CTNND2: variants seen among roughly 807,000 people sequenced by gnomAD.
The protein encoded by CTNND2 is catenin delta-2.
Under a neutral mutation model 144.4 loss-of-function variants are expected in CTNND2, and 22 were observed. The ratio of observed to expected loss-of-function variants is 0.15; its 90% CI spans 0.11 to 0.22. The LOEUF (loss-of-function observed/expected upper bound fraction) is 0.22, where lower values mean the gene tolerates loss of function less well. Among genes scored for constraint, CTNND2 ranks in the 10% least tolerant of loss-of-function variants. The pLI, the probability that CTNND2 is intolerant of heterozygous loss-of-function variation, is 1.00. For synonymous variants in CTNND2, 751 were observed against 695.6 expected, an observed-to-expected ratio of 1.08 and a Z score of -1.25; for missense variants, 1,353 against 1,618.8, an observed-to-expected ratio of 0.84 and a Z score of 2.82.
chr5:11,497,324 G>T (rs1039193152), intron 3 of CTNND2, among the ~76,000 whole-genome samples: 13 of 151,778 alleles, frequency 8.6e-5, no homozygotes, highest in African/African-American at 3.1e-4. Context: ...GTGAAAGGTG[G>T]ATGTAATCTA....
At chr5:11,762,823 C>T (rs926486787) in intron 1 of CTNND2, among the ~76,000 whole-genome samples, 2 of 152,184 alleles carry the variant, frequency 1.3e-5, no homozygotes, top group Admixed American at 1.3e-4. Flanking sequence ...TGAAACCACA[C>T]ATTTGAGTTC....
intron 7 of CTNND2, among the ~76,000 whole-genome samples, chr5:11,378,852 T>C (rs1007024712): frequency 1.3e-5 from 2 of 152,174 alleles, no homozygotes; most frequent in African/African-American, 4.8e-5. Flanking sequence ...GTCTGAAATC[T>C]CTAAACAGTA....
chr5:11,233,726 G>C (rs1741304342), intron 10 of CTNND2, among the ~76,000 whole-genome samples: 1 of 151,820 alleles, frequency 6.6e-6, no homozygotes, highest in Non-Finnish European at 1.5e-5. Flanking sequence ...CTGTGTGTGT[G>C]TGTGTGTGTG....
chr5:11,690,592 C>T (rs1023492652), intron 2 of CTNND2, among the ~76,000 whole-genome samples: 5 of 151,450 alleles, frequency 3.3e-5, no homozygotes, highest in Non-Finnish European at 5.9e-5. Context: ...AAAAATTAGC[C>T]GGGCGCGGTG....
chr5:11,153,013 C>T (rs1757884564), intron 12 of CTNND2, among the ~76,000 whole-genome samples: 1 of 152,146 alleles, frequency 6.6e-6, no homozygotes, highest in African/African-American at 2.4e-5. Flanking sequence ...CCTGTAATCC[C>T]AGCACTTTGG....
chr5:11,424,804 G>C (rs1345966616), intron 3 of CTNND2, among the ~76,000 whole-genome samples: 2 of 152,046 alleles, frequency 1.3e-5, no homozygotes, highest in African/African-American at 2.4e-5. Context: ...ATTGGGAATA[G>C]TGAAGTAACA....
chr5:11,524,639 G>C (rs552632447), intron 3 of CTNND2, among the ~76,000 whole-genome samples: 1 of 152,302 alleles, frequency 6.6e-6, no homozygotes, highest in South Asian at 2.1e-4. Flanking sequence ...GCTTCTGTCT[G>C]TTCCCCTCCA....
intron 19 of CTNND2, among the ~76,000 whole-genome samples, chr5:10,989,196 C>T (rs1738382480): frequency 6.6e-6 from 1 of 152,208 alleles, no homozygotes; most frequent in Non-Finnish European, 1.5e-5. Flanking sequence ...GAGAGGTTGG[C>T]AGGAGCCATG....
chr5:11,689,131 C>T (rs369283601), intron 2 of CTNND2, among the ~76,000 whole-genome samples: 2 of 152,160 alleles, frequency 1.3e-5, no homozygotes, highest in South Asian at 4.1e-4. Context: ...GAGCATAGGG[C>T]AGCTGTAGCA....
At chr5:11,701,786 A>G (rs1785446676) in intron 2 of CTNND2, among the ~76,000 whole-genome samples, 1 of 152,338 alleles carries the variant, frequency 6.6e-6, no homozygotes, top group East Asian at 1.9e-4. Flanking sequence ...TATAATTTTT[A>G]TATTAGCTAG....
chr5:11,199,689 C>G (rs1329167859), intron 10 of CTNND2, 28 bp from the exon 11 acceptor site: 1 of 1,585,268 alleles, frequency 6.3e-7, no homozygotes, highest in Non-Finnish European at 8.7e-7. Context: ...ACCACTTTTG[C>G]TTTACAGTGT....
chr5:11,768,670 C>G (rs918400211), intron 1 of CTNND2, among the ~76,000 whole-genome samples: 2 of 152,144 alleles, frequency 1.3e-5, no homozygotes, highest in Non-Finnish European at 2.9e-5. Context: ...TAAGCCAGAC[C>G]CACACTGCAT....
At chr5:11,685,474 T>C (rs56056322) in intron 2 of CTNND2, among the ~76,000 whole-genome samples, 18,441 of 152,180 alleles carry the variant, frequency 0.12, 3,705 homozygotes, top group African/African-American at 0.42. Flanking sequence ...ATCATAATGG[T>C]CTACTAGTTA....
intron 9 of CTNND2, among the ~76,000 whole-genome samples, chr5:11,304,386 C>T (rs1192858946): frequency 1.3e-5 from 2 of 151,852 alleles, no homozygotes; most frequent in Admixed American, 1.3e-4. Flanking sequence ...CACACAGGCA[C>T]ACCACACACA....
intron 8 of CTNND2, among the ~76,000 whole-genome samples, chr5:11,349,565 G>T (rs1296648299): frequency 6.6e-6 from 1 of 152,180 alleles, no homozygotes; most frequent in Non-Finnish European, 1.5e-5. Flanking sequence ...CAAAGCTGTA[G>T]ATTATTGAAT....
Position 11,334,534 on chromosome 5 carries a change from G to A in CTNND2, c.1628+11838C>T, listed in dbSNP as rs748385447. 2.6e-5 allele frequency among the ~76,000 whole-genome samples: 4 copies of A among 152,288 alleles called. No individual in the cohort carries two copies. The East Asian group carries it at 7.7e-4, about 29-fold the overall frequency. On this transcript the variant is annotated intron_variant, in intron 9 of 21. Coordinates refer to ENST00000304623, the MANE Select transcript of CTNND2 (RefSeq NM_001332.4). ...CTGTCTTTCCAGTATATTAGGAAGT[G>A]CTGGAGGAAATCCTTTGTCAAGTGA... is the stretch of plus-strand genomic sequence containing the variant.
intron 2 of CTNND2, among the ~76,000 whole-genome samples, chr5:11,644,153 T>C (rs1782221674): frequency 6.6e-6 from 1 of 152,146 alleles, no homozygotes; most frequent in South Asian, 2.1e-4. Flanking sequence ...TCATTAATAG[T>C]TGAATCAATA....
At chr5:11,841,039 A>C (rs1171436451) in intron 1 of CTNND2, among the ~76,000 whole-genome samples, 1 of 152,210 alleles carries the variant, frequency 6.6e-6, no homozygotes, top group Non-Finnish European at 1.5e-5. Flanking sequence ...AGAAACCTAT[A>C]AGGCCAATAA....
chr5:11,407,931 G>C (rs978512258), intron 5 of CTNND2, among the ~76,000 whole-genome samples: 3 of 152,176 alleles, frequency 2.0e-5, no homozygotes, highest in African/African-American at 7.2e-5. Context: ...CTCTCTGCTA[G>C]TCCTCTGCAC....
Sources: allele counts gnomAD v4.1 joint callset (sites outside exome capture counted in the v4.1 genomes callset), GRCh38; gene constraint gnomAD v4.1.1; transcripts MANE v1.5; gene names NCBI Gene and HGNC (gene_info 2026-07-23, HGNC 2026-07-21).